Variants in MYO16 observed in about 807,000 individuals in gnomAD.
MYO16 encodes unconventional myosin-XVI.
In MYO16, 94 loss-of-function variants were observed where a neutral mutation model predicts 205.3. The ratio of observed to expected loss-of-function variants is 0.46; its 90% CI spans 0.39 to 0.54. The LOEUF (loss-of-function observed/expected upper bound fraction) is 0.54. MYO16 is among the 20% of genes least tolerant of loss of function. The pLI is 0.00. For missense variants in MYO16, 2,315 were observed against 2,387.5 expected, an observed-to-expected ratio of 0.97 and a Z score of 0.63; for synonymous variants, 988 against 954.0, an observed-to-expected ratio of 1.04 and a Z score of -0.66.
chr13:109,155,566 A>G (rs1566538358), intron 32 of MYO16, among the ~76,000 whole-genome samples: 1 of 152,224 alleles, frequency 6.6e-6, no homozygotes, highest in Non-Finnish European at 1.5e-5. Flanking sequence ...TGACCTGTCC[A>G]CATAGTGTGG....
At chr13:108,573,133 G>T in the MYO16 span, among the ~76,000 whole-genome samples, 1 of 152,182 alleles carries the variant, frequency 6.6e-6, no homozygotes, top group Non-Finnish European at 1.5e-5. Context: ...CAAAGCAAAT[G>T]ACACGGCCAA....
intron 32 of MYO16, among the ~76,000 whole-genome samples, chr13:109,149,344 C>G (rs968462320): frequency 3.3e-5 from 5 of 152,174 alleles, no homozygotes; most frequent in African/African-American, 1.2e-4. Context: ...CCCCTGGACC[C>G]TTGCGTCTCA....
At chr13:108,608,458 T>C (rs913095) in intron 1 of MYO16, among the ~76,000 whole-genome samples, 150,992 of 152,300 alleles carry the variant, frequency 0.99, 74,860 homozygotes, top group East Asian at 1. Context: ...AACCCTTCCT[T>C]GCACCCCACA....
chr13:109,162,442 CCT>C lies in MYO16; in HGVS notation c.5165-2458_5165-2457del, dbSNP rs1566542915. On this transcript the variant is annotated intron_variant, in intron 32 of 34. Transcript: ENST00000457511. The surrounding 1 kb of genome is among the most constrained non-coding windows in gnomAD (Gnocchi z 4.6). ...GTTTCTTGAACATGGTGAGCTCTTT[CCT>C]GCTTTGGGGTATTTACACATGGTGT... Among the ~76,000 whole-genome samples, 1 of 152,168 alleles carries C rather than the reference CCT, an allele frequency of 6.6e-6. No individual in the cohort carries two copies. Among genetic ancestry groups the C allele is most frequent in the Non-Finnish European group, 1.5e-5 (1 of 68,042 alleles).
In MYO16 at chr13:108,844,461, C is replaced by T. The variant is rs1877413246; in HGVS notation, c.1216C>T (p.Pro406Ser). The change falls in exon 10 of 35, where the codon CCC becomes TCC. Residue 406 changes from proline to serine, a missense_variant. By Grantham distance (74) the Pro-to-Ser change is moderately conservative. Around this residue, in one of 3 missense-constraint regions of MYO16, gnomAD observed 1,213 missense variants for 1,274.4 expected, o/e 0.95. Coordinates refer to ENST00000457511, the MANE Select transcript of MYO16 (RefSeq NM_001198950.3). ...GTCTCAGGACAGCATCCCTGAAAACCCCATGATGAGCGGTTCCACCAAACC... is the reference window on the plus strand; with the variant it reads ...GTCTCAGGACAGCATCCCTGAAAACTCCATGATGAGCGGTTCCACCAAACC... ...QQSQDSIPEN[P>S]MMSGSTKPEQ... 1.2e-6 allele frequency: 2 copies of T among 1,611,024 alleles called. No homozygotes were observed. Among genetic ancestry groups the T allele is most frequent in the Non-Finnish European group, 1.7e-6 (2 of 1,177,962 alleles).
chr13:108,553,005 C>CTTTTTTT, the MYO16 span, among the ~76,000 whole-genome samples: 26 of 64,910 alleles, frequency 4.0e-4, 3 homozygotes, highest in African/African-American at 1.3e-3. Context: ...CTTTAATACT[C>CTTTTTTT]TTTTTTTTTT....
chr13:108,552,337 T>C, the MYO16 span, among the ~76,000 whole-genome samples: 1 of 152,220 alleles, frequency 6.6e-6, no homozygotes, highest in Non-Finnish European at 1.5e-5. Flanking sequence ...GGCAAGATCA[T>C]GATTTGGTGC....
At chr13:108,871,999 C>T (rs1879091598) in intron 12 of MYO16, among the ~76,000 whole-genome samples, 1 of 152,208 alleles carries the variant, frequency 6.6e-6, no homozygotes, top group Non-Finnish European at 1.5e-5. Flanking sequence ...GAGACTACAT[C>T]TGTTTTTATT....
At chr13:108,510,441 T>TTTTTTTTTTTTTTTTA in the MYO16 span, among the ~76,000 whole-genome samples, 1 of 129,288 alleles carries the variant, frequency 7.7e-6, no homozygotes, top group Non-Finnish European at 1.6e-5. Context: ...TTTTTTTTTT[T>TTTTTTTTTTTTTTTTA]ATATTTAACA....
At chr13:108,804,100 T>C (rs1358625279) in intron 6 of MYO16, among the ~76,000 whole-genome samples, 1 of 152,182 alleles carries the variant, frequency 6.6e-6, no homozygotes. Flanking sequence ...GTAACCATGC[T>C]TCTTCCTTGG....
the MYO16 span, among the ~76,000 whole-genome samples, chr13:108,564,420 C>T: frequency 4.2e-4 from 64 of 152,236 alleles, 1 homozygote; most frequent in South Asian, 8.9e-3. Context: ...CTGCCCATCT[C>T]GGCCTCCTGA....
At chr13:108,861,180 GAA>G (rs1878433510) in intron 11 of MYO16, among the ~76,000 whole-genome samples, 1 of 152,190 alleles carries the variant, frequency 6.6e-6, no homozygotes, top group African/African-American at 2.4e-5. Flanking sequence ...TAATGTAATA[GAA>G]GAGAGAAGTC....
At chr13:109,006,846 G>A (rs724358) in intron 21 of MYO16, among the ~76,000 whole-genome samples, 21,427 of 152,142 alleles carry the variant, frequency 0.14, 1,595 homozygotes, top group East Asian at 0.2. Context: ...TATAGGCAGA[G>A]AAGAGACAAG....
intron 1 of MYO16, among the ~76,000 whole-genome samples, chr13:108,599,125 AATG>A (rs1878669388): frequency 6.6e-6 from 1 of 150,988 alleles, no homozygotes. Flanking sequence ...GTTTACTGAG[AATG>A]ATGATTTCCA....
At chr13:108,726,484 G>C (rs765391452) in intron 3 of MYO16, among the ~76,000 whole-genome samples, 2 of 151,878 alleles carry the variant, frequency 1.3e-5, no homozygotes, top group Non-Finnish European at 2.9e-5. Flanking sequence ...ACTTGAACCT[G>C]GGAAGTGGAG....
rs535131860 is a variant in MYO16 at position 109,162,048 on chromosome 13, C to A, written c.5165-2853C>A. Among the ~76,000 whole-genome samples, 7 of 152,264 alleles carry A rather than the reference C, an allele frequency of 4.6e-5. No individual in the cohort carries two copies. In the East Asian group the frequency reaches 1.4e-3, roughly 29 times the overall value. ...CAGGGAGCTGAGATCGTGCCACTGC[C>A]CTCCAGCCTGGGCAACAGAGTGAGA... On this transcript the variant is annotated intron_variant, in intron 32 of 34. Transcript: ENST00000457511. This position sits in a 1 kb window ranked among gnomAD's most constrained non-coding sequence, Gnocchi z 4.6.
intron 31 of MYO16, among the ~76,000 whole-genome samples, chr13:109,128,463 A>G (rs886402280): frequency 3.3e-5 from 5 of 152,190 alleles, no homozygotes; most frequent in African/African-American, 1.2e-4. Flanking sequence ...TCCTTCAGTA[A>G]ATAAATGACC....
chr13:108,793,711 C>A, intron 6 of MYO16, 71 bp downstream of exon 6: 2 of 1,428,248 alleles, frequency 1.4e-6, no homozygotes, highest in South Asian at 1.4e-5. Flanking sequence ...ACATAGAATT[C>A]ATTAAATTAA....
intron 4 of MYO16, among the ~76,000 whole-genome samples, chr13:108,750,160 C>T (rs1389983735): frequency 6.6e-6 from 1 of 152,152 alleles, no homozygotes; most frequent in Admixed American, 6.6e-5. Flanking sequence ...GGCAGTAAAA[C>T]TAGTCTGTAC....
Sources: allele counts gnomAD v4.1 joint callset (sites outside exome capture counted in the v4.1 genomes callset), GRCh38; gene constraint gnomAD v4.1.1; regional missense constraint gnomAD v4.1.1; non-coding constraint Gnocchi (gnomAD v3.1); transcripts MANE v1.5; gene names NCBI Gene and HGNC (gene_info 2026-07-23, HGNC 2026-07-21).